The following NRG1 variants were observed in gnomAD, a reference collection of about 807,000 sequenced individuals.
NRG1 encodes the protein neuregulin 1.
In NRG1, 18 loss-of-function variants were observed where a neutral mutation model predicts 63.8. The observed-to-expected ratio is 0.28, with a 90% CI of 0.19 to 0.42. NRG1 has a LOEUF of 0.42. Ranked by LOEUF, NRG1 falls within the 10% of genes least tolerant of loss-of-function variation. The probability of loss-of-function intolerance (pLI) is 1.00; values close to 1 mark genes in which losing one functional copy is unlikely to be tolerated. For synonymous variants in NRG1, 302 were observed against 301.3 expected (o/e 1.00, Z -0.02); for missense variants, 762 against 814.7 (o/e 0.94, Z 0.79).
At chr8:31,702,223 A>G (rs906819992) in intron 1 of NRG1, among the ~76,000 whole-genome samples, 4 of 152,230 alleles carry the variant, frequency 2.6e-5, no homozygotes, top group Non-Finnish European at 4.4e-5. Context: ...TTGAAAGTTG[A>G]CTGGCTTCAT....
rs1029277162 is a variant in NRG1 at position 31,639,333 on chromosome 8, G to A, written c.-62G>A. 4.2e-5 allele frequency: 64 copies of A among 1,530,164 alleles called. No individual in the cohort carries two copies. The African/African-American group carries it at 7.7e-4, about 18-fold the overall frequency. 94.8% of individuals were successfully genotyped at this position (1,530,164 alleles called of 1,614,324 possible). On this transcript the variant is annotated 5_prime_UTR_variant, in exon 1 of 11. Coordinates refer to the NRG1 transcript ENST00000519301. ...TCGGGGCGACAGAGAGGGAGGAGGCGCGCGGGGACGGGGACGCCCAGGAGG... is the reference window on the plus strand; with the variant it reads ...TCGGGGCGACAGAGAGGGAGGAGGCACGCGGGGACGGGGACGCCCAGGAGG...
chr8:31,877,194 G>T (rs1016291623), intron 1 of NRG1, among the ~76,000 whole-genome samples: 3 of 152,120 alleles, frequency 2.0e-5, no homozygotes, highest in Non-Finnish European at 4.4e-5. Context: ...AAAGTTGATG[G>T]CCTTGTTATA....
intron 3 of NRG1, among the ~76,000 whole-genome samples, chr8:32,606,357 T>A (rs1297623347): frequency 1.3e-5 from 2 of 151,998 alleles, no homozygotes; most frequent in East Asian, 3.9e-4. Context: ...ATTAGGACCG[T>A]CTTAGAGGCA....
chr8:31,974,709 A>C (rs1012613281), intron 1 of NRG1, among the ~76,000 whole-genome samples: 1 of 152,180 alleles, frequency 6.6e-6, no homozygotes, highest in Non-Finnish European at 1.5e-5. Context: ...CCTCCAGATA[A>C]TTTAGTGTGC....
intron 5 of NRG1, among the ~76,000 whole-genome samples, chr8:32,699,935 A>G (rs2128957179): frequency 6.6e-6 from 1 of 152,344 alleles, no homozygotes; most frequent in South Asian, 2.1e-4. Flanking sequence ...TAAAAGTATA[A>G]GTTACACGTT....
intron 1 of NRG1, among the ~76,000 whole-genome samples, chr8:32,095,730 A>T (rs149509196): frequency 1.1e-3 from 171 of 152,300 alleles, no homozygotes; most frequent in African/African-American, 3.8e-3. Flanking sequence ...TATGTCTTGG[A>T]TATAGTAATA....
chr8:32,636,561 G>A (rs2129545016), intron 5 of NRG1, among the ~76,000 whole-genome samples: 1 of 152,270 alleles, frequency 6.6e-6, no homozygotes, highest in East Asian at 1.9e-4. Context: ...GATTTCAACA[G>A]AATAAGCTTA....
At chr8:32,422,761 A>G (rs1385012599) in intron 1 of NRG1, among the ~76,000 whole-genome samples, 1 of 152,220 alleles carries the variant, frequency 6.6e-6, no homozygotes, top group Non-Finnish European at 1.5e-5. Context: ...GGAGAATGGA[A>G]TGTCTAATGG....
chr8:32,058,156 A>G (rs1035330629), intron 1 of NRG1, among the ~76,000 whole-genome samples: 2 of 152,122 alleles, frequency 1.3e-5, no homozygotes, highest in Admixed American at 6.6e-5. Context: ...TTAAAAGGAC[A>G]CAGTGAAGGA....
At chr8:32,101,255 A>T (rs535151018) in intron 1 of NRG1, among the ~76,000 whole-genome samples, 21 of 151,966 alleles carry the variant, frequency 1.4e-4, no homozygotes, top group Non-Finnish European at 2.8e-4. Context: ...CCCTCTCCAG[A>T]CTCACACTTT....
At chr8:32,540,446 C>A (rs989386768) in intron 1 of NRG1, among the ~76,000 whole-genome samples, 1 of 152,016 alleles carries the variant, frequency 6.6e-6, no homozygotes, top group Non-Finnish European at 1.5e-5. Context: ...AAAACAACGA[C>A]AACAAAAATA....
At chr8:31,755,595 T>C (rs1223246459) in intron 1 of NRG1, among the ~76,000 whole-genome samples, 1 of 152,110 alleles carries the variant, frequency 6.6e-6, no homozygotes, top group Non-Finnish European at 1.5e-5. Context: ...TATTTAACCT[T>C]GCCTGCGGGT....
chr8:32,122,491 A>G (rs1833576926), intron 1 of NRG1, among the ~76,000 whole-genome samples: 2 of 152,044 alleles, frequency 1.3e-5, no homozygotes, highest in South Asian at 2.1e-4. Context: ...GAACTCAATT[A>G]TAACTCCATT....
chr8:32,623,408 C>T (rs2129542833), intron 5 of NRG1, among the ~76,000 whole-genome samples: 1 of 152,320 alleles, frequency 6.6e-6, no homozygotes, highest in Middle Eastern at 3.4e-3. Flanking sequence ...TGAACCTCTC[C>T]TGCCACTGTT....
intron 1 of NRG1, among the ~76,000 whole-genome samples, chr8:32,159,179 G>A (rs1838519897): frequency 6.6e-6 from 1 of 152,186 alleles, no homozygotes; most frequent in South Asian, 2.1e-4. Context: ...AGCCACGATC[G>A]TATAAAACAA....
At chr8:32,719,395 A>T (rs929378310) in intron 5 of NRG1, among the ~76,000 whole-genome samples, 2 of 151,986 alleles carry the variant, frequency 1.3e-5, no homozygotes, top group Non-Finnish European at 2.9e-5. Flanking sequence ...TTTCATCTTC[A>T]TCCCAGTCAT....
At chr8:31,998,355 T>G (rs1435414460) in intron 1 of NRG1, among the ~76,000 whole-genome samples, 1 of 152,032 alleles carries the variant, frequency 6.6e-6, no homozygotes, top group Non-Finnish European at 1.5e-5. Flanking sequence ...AATATTCACA[T>G]GAAGCTGAAA....
At chr8:31,974,188 CAG>C (rs1048457326) in intron 1 of NRG1, among the ~76,000 whole-genome samples, 15 of 152,002 alleles carry the variant, frequency 9.9e-5, no homozygotes, top group African/African-American at 3.6e-4. Context: ...TTGTTTGAGA[CAG>C]GGACTCGCTG....
chr8:31,790,794 T>G (rs187167908), intron 1 of NRG1, among the ~76,000 whole-genome samples: 22 of 152,268 alleles, frequency 1.4e-4, no homozygotes, highest in Non-Finnish European at 3.1e-4. Context: ...CGTGCAAATT[T>G]TATTGATAAG....
Sources: allele counts gnomAD v4.1 joint callset (sites outside exome capture counted in the v4.1 genomes callset), GRCh38; gene constraint gnomAD v4.1.1; transcripts MANE v1.5; gene names NCBI Gene and HGNC (gene_info 2026-07-23, HGNC 2026-07-21).